BORA: variants seen among roughly 807,000 people sequenced by gnomAD.
BORA encodes the protein protein aurora borealis.
BORA carries 26 observed loss-of-function variants against 55.8 expected under a neutral mutation model. That is an observed-to-expected ratio of 0.47 (90% CI 0.34 to 0.65). The LOEUF (loss-of-function observed/expected upper bound fraction) is 0.65, where lower values mean the gene tolerates loss of function less well. Among genes scored for constraint, BORA ranks in the 30% least tolerant of loss-of-function variants. The pLI, the probability that BORA is intolerant of heterozygous loss-of-function variation, is 0.01. For synonymous variants in BORA, 201 were observed against 216.9 expected (o/e 0.93, Z 0.64); for missense variants, 568 against 671.5 (o/e 0.85, Z 1.70).
At chr13:72,735,535 A>T (rs1196950582) in intron 4 of BORA, among the ~76,000 whole-genome samples, 1 of 152,190 alleles carries the variant, frequency 6.6e-6, no homozygotes, top group Admixed American at 6.5e-5. Context: ...CTAAAAAATA[A>T]AAATAATTAA....
intron 2 of BORA, 121 bp from the exon 3 acceptor site, chr13:72,731,160 A>G (rs2032807243): frequency 3.1e-6 from 2 of 648,556 alleles, no homozygotes; most frequent in Admixed American, 6.3e-5. Context: ...GTCAAATTTT[A>G]AAATACAAGC....
Position 72,755,800 on chromosome 13 carries a change from A to G in BORA, c.*584A>G. On this transcript the variant is annotated 3_prime_UTR_variant, in exon 12 of 12. Transcript: ENST00000390667. Reference sequence around the variant, plus strand: ...AGTTACTACTTTTAAGTATGTAAATACTAGAAAGGTAGTACTAGTGACATC... The same window carrying G: ...AGTTACTACTTTTAAGTATGTAAATGCTAGAAAGGTAGTACTAGTGACATC... The G allele has an allele frequency of 2.5e-6, 1 of 398,484 alleles. No individual in the cohort carries two copies. Among genetic ancestry groups the G allele is most frequent in the Non-Finnish European group, 4.4e-6 (1 of 226,066 alleles). The allele number at this position is 398,484 out of a possible 1,614,324, so 24.7% of individuals were successfully genotyped here. A position where few individuals can be genotyped will look rare whatever the true frequency, so the allele number is the denominator to read the frequency against.
intron 8 of BORA, 145 bp downstream of exon 8, chr13:72,745,352 A>G: frequency 1.5e-6 from 1 of 685,776 alleles, no homozygotes; most frequent in Admixed American, 2.9e-5. Context: ...AGGGATGAGG[A>G]AGGGCCTTTA....
chr13:72,731,144 G>C, intron 2 of BORA, 137 bp from the exon 3 acceptor site: 1 of 608,172 alleles, frequency 1.6e-6, no homozygotes, highest in South Asian at 2.1e-5. Context: ...TTAATTTCAT[G>C]GTAAAGTCAA....
At chr13:72,735,543 TAA>T (rs2032905682) in intron 4 of BORA, among the ~76,000 whole-genome samples, 1 of 152,132 alleles carries the variant, frequency 6.6e-6, no homozygotes, top group Non-Finnish European at 1.5e-5. Context: ...TAAAAATAAT[TAA>T]GTTTTTTGCT....
intron 4 of BORA, among the ~76,000 whole-genome samples, chr13:72,736,233 C>T (rs2032925022): frequency 1.3e-5 from 2 of 151,872 alleles, no homozygotes; most frequent in East Asian, 3.9e-4. Context: ...AAAGAGAAAC[C>T]CAGCAGGTAA....
rs756539022 is a variant in BORA at position 72,744,557 on chromosome 13, A to G, written c.507A>G (p.Ile169Met). 8.7e-6 allele frequency: 14 copies of G among 1,601,906 alleles called. No individual in the cohort carries two copies. The highest frequency in any genetic ancestry group is 2.2e-5 in the East Asian group (1 of 44,826). Residue 169 changes from isoleucine (I) to methionine (M), a missense_variant, in exon 7 of 12, where the codon ATA becomes ATG. By Grantham distance (10) the Ile-to-Met change is conservative. Coordinates refer to ENST00000390667, the MANE Select transcript of BORA (RefSeq NM_024808.5). Reference sequence around the variant, plus strand: ...CTGTGGATTTTAATTTAGAAAATATATTAGGTAAATACTGTATTTGTTTAA... The same window carrying G: ...CTGTGGATTTTAATTTAGAAAATATGTTAGGTAAATACTGTATTTGTTTAA... ...SLPVDFNLEN[I>M]LGDYFRADEF...
At chr13:72,730,906 A>AC (rs1566218603) in intron 2 of BORA, among the ~76,000 whole-genome samples, 1 of 143,476 alleles carries the variant, frequency 7.0e-6, no homozygotes, top group Non-Finnish European at 1.5e-5. Context: ...AAAAAAAAAA[A>AC]AAAATACAAA....
At chr13:72,739,890 A>C (rs1241822692) in intron 5 of BORA, among the ~76,000 whole-genome samples, 2 of 152,168 alleles carry the variant, frequency 1.3e-5, no homozygotes, top group Non-Finnish European at 2.9e-5. Context: ...TATTGGGTCC[A>C]GGGCATTATC....
intron 10 of BORA, among the ~76,000 whole-genome samples, chr13:72,750,017 G>A (rs2033233297): frequency 6.6e-6 from 1 of 152,118 alleles, no homozygotes; most frequent in Admixed American, 6.6e-5. Context: ...AAATATTTGT[G>A]TAACAAAAAC....
intron 3 of BORA, among the ~76,000 whole-genome samples, chr13:72,734,283 C>T (rs2032874967): frequency 6.6e-6 from 1 of 151,402 alleles, no homozygotes. Flanking sequence ...GGCAAGGATT[C>T]TTTCCTGTAA....
chr13:72,728,904 C>A, intron 1 of BORA, 22 bp from the exon 2 acceptor site: 2 of 1,541,464 alleles, frequency 1.3e-6, no homozygotes, highest in South Asian at 2.5e-5. Context: ...TTTTAACATG[C>A]ATACTCTTGA....
chr13:72,753,322 T>TCAAGCCATTTAGAGA (rs1847585379), intron 10 of BORA: 1 of 166,330 alleles, frequency 6.0e-6, no homozygotes. Flanking sequence ...GCAGCATGCC[T>TCAAGCCATTTAGAGA]CAAGCCATTT....
chr13:72,743,482 C>T, intron 5 of BORA, 55 bp from the exon 6 acceptor site: 1 of 1,288,642 alleles, frequency 7.8e-7, no homozygotes, highest in Non-Finnish European at 1.1e-6. Context: ...AAAAGTAATG[C>T]TAAAGCAAAT....
intron 10 of BORA, among the ~76,000 whole-genome samples, 185 bp downstream of exon 10, chr13:72,747,296 G>A (rs1473138122): frequency 6.6e-6 from 1 of 152,012 alleles, no homozygotes; most frequent in Non-Finnish European, 1.5e-5. Flanking sequence ...TGACAGATAA[G>A]GCATATTTTA....
chr13:72,737,900 C>A, intron 4 of BORA, 62 bp from the exon 5 acceptor site: 1 of 1,062,318 alleles, frequency 9.4e-7, no homozygotes, highest in Non-Finnish European at 1.4e-6. Context: ...TGGAAAAACA[C>A]AGGTACCGTC....
chr13:72,728,274 A>G lies in BORA; in HGVS notation c.-16+267A>G, dbSNP rs1439542728. 4 of 681,732 alleles carry G rather than the reference A, an allele frequency of 5.9e-6. No homozygotes were observed. In the Admixed American group the frequency reaches 6.4e-5, roughly 11 times the overall value. The allele number at this position is 681,732 out of a possible 1,614,324, so 42.2% of individuals were successfully genotyped here. On this transcript the variant is annotated intron_variant, in intron 1 of 11. Transcript: ENST00000390667. ...CACCCCGCCAAGGTGTAGCCTCTGT[A>G]GCCTCCTTTGATTGCAAGTAATGCA...
At chr13:72,752,626 G>C (rs1566230206) in intron 10 of BORA, 1 of 152,184 alleles carries the variant, frequency 6.6e-6, no homozygotes, top group South Asian at 2.1e-4. Flanking sequence ...TTTTGATCAA[G>C]TAGCTATTGA....
chr13:72,750,667 A>T (rs1263053413), intron 10 of BORA, among the ~76,000 whole-genome samples: 5 of 152,122 alleles, frequency 3.3e-5, no homozygotes, highest in Non-Finnish European at 4.4e-5. Context: ...TGGGCAGCAT[A>T]ATTATTAATA....
Sources: allele counts gnomAD v4.1 joint callset (sites outside exome capture counted in the v4.1 genomes callset), GRCh38; gene constraint gnomAD v4.1.1; transcripts MANE v1.5; gene names NCBI Gene and HGNC (gene_info 2026-07-23, HGNC 2026-07-21).